The following BCR variants were observed in gnomAD, a reference collection of about 807,000 sequenced individuals.
BCR encodes breakpoint cluster region protein.
In BCR, 58 loss-of-function variants were observed where a neutral mutation model predicts 138.6. The observed-to-expected ratio is 0.42, with a 90% confidence interval of 0.34 to 0.52. The LOEUF (loss-of-function observed/expected upper bound fraction) is 0.52, where lower values mean the gene tolerates loss of function less well. Ranked by LOEUF, BCR falls within the 20% of genes least tolerant of loss-of-function variation. The pLI is 0.06. For missense variants in BCR, 1,599 were observed against 1,727.2 expected (o/e 0.93, Z 1.32); for synonymous variants, 786 against 730.1 (o/e 1.08, Z -1.23).
chr22:23,199,624 A>G, intron 1 of BCR, among the ~76,000 whole-genome samples: 1 of 152,104 alleles, frequency 6.6e-6, no homozygotes, highest in Non-Finnish European at 1.5e-5. Flanking sequence ...AGGGGAAGGT[A>G]TTGGTAGGAC....
At position 23,181,026 on chromosome 22, in the gene BCR, C is replaced by A. The variant is rs767388787; in HGVS notation, c.66C>A (p.Arg22=). The A allele has an allele frequency of 3.1e-5, 47 of 1,501,166 alleles. 1 individual carries two copies. The South Asian group carries it at 6.0e-4, about 19-fold the overall frequency. The allele number at this position is 1,501,166 out of a possible 1,614,324, so 93.0% of individuals were successfully genotyped here. Residue 22 remains arginine (R), a synonymous_variant, in exon 1 of 23, where the codon CGC becomes CGA. Coordinates refer to ENST00000305877, the MANE Select transcript of BCR (RefSeq NM_004327.4). ...AGTTCCCGGACTCAGAGCCCCCGCGCATGGAGCTGCGCTCAGTGGGCGACA... is the reference window on the plus strand; with the variant it reads ...AGTTCCCGGACTCAGAGCCCCCGCGAATGGAGCTGCGCTCAGTGGGCGACA... ...KAQFPDSEPP[R]MELRSVGDIE...
intron 8 of BCR, among the ~76,000 whole-genome samples, chr22:23,279,811 T>C (rs2073622475): frequency 6.6e-6 from 1 of 152,212 alleles, no homozygotes; most frequent in Non-Finnish European, 1.5e-5. Context: ...TCGTAGTCGG[T>C]TCAGGCTGCT....
intron 4 of BCR, chr22:23,264,130 A>G: frequency 6.6e-7 from 1 of 1,522,654 alleles, no homozygotes; most frequent in Non-Finnish European, 9.1e-7. Flanking sequence ...GAGCCCCACA[A>G]CAGCACCCTG....
chr22:23,258,859 G>T (rs548214236), intron 2 of BCR, among the ~76,000 whole-genome samples: 2 of 152,208 alleles, frequency 1.3e-5, no homozygotes, highest in African/African-American at 4.8e-5. Flanking sequence ...AGGGACCACC[G>T]CCCCAGTTCC....
intron 1 of BCR, among the ~76,000 whole-genome samples, chr22:23,241,891 C>T (rs1237573699): frequency 6.6e-6 from 1 of 152,108 alleles, no homozygotes; most frequent in Non-Finnish European, 1.5e-5. Flanking sequence ...GAGCCCAAGT[C>T]CTTGGCCTGA....
chr22:23,267,247 A>C (rs1315644574), intron 4 of BCR, among the ~76,000 whole-genome samples: 1 of 152,060 alleles, frequency 6.6e-6, no homozygotes, highest in Non-Finnish European at 1.5e-5. Flanking sequence ...AAGAAGGAAG[A>C]GCTCTGGGCC....
chr22:23,272,634 G>T (rs2073522619), intron 6 of BCR, among the ~76,000 whole-genome samples: 1 of 152,084 alleles, frequency 6.6e-6, no homozygotes, highest in South Asian at 2.1e-4. Context: ...ATCTGAGTAG[G>T]TTTCTGCTTG....
chr22:23,215,864 G>A (rs1369728919), intron 1 of BCR, among the ~76,000 whole-genome samples: 1 of 152,186 alleles, frequency 6.6e-6, no homozygotes, highest in African/African-American at 2.4e-5. Flanking sequence ...ACAAGGGATA[G>A]GGGACCAGTT....
At chr22:23,241,216 G>A (rs977026811) in intron 1 of BCR, among the ~76,000 whole-genome samples, 1 of 152,232 alleles carries the variant, frequency 6.6e-6, no homozygotes, top group Admixed American at 6.5e-5. Flanking sequence ...CGAGATGGGG[G>A]AAGAAGGTGG....
chr22:23,288,985 G>C (rs1212876810), intron 12 of BCR, among the ~76,000 whole-genome samples: 1 of 152,182 alleles, frequency 6.6e-6, no homozygotes, highest in Non-Finnish European at 1.5e-5. Context: ...CCGTGGCCTG[G>C]GGGATCAAGG....
intron 21 of BCR, 138 bp downstream of exon 21, chr22:23,314,211 T>A: frequency 1.4e-6 from 1 of 716,522 alleles, no homozygotes; most frequent in Non-Finnish European, 2.4e-6. Flanking sequence ...CTTTGGCGAC[T>A]AGTGCCACTG....
chr22:23,310,024 TCGATTACAGCC>T (rs2146327167), intron 17 of BCR: 2 of 424,978 alleles, frequency 4.7e-6, no homozygotes, highest in East Asian at 1.0e-4. Context: ...ACCCAAGAGT[TCGATTACAGCC>T]TGGGCAACAT....
intron 4 of BCR, 149 bp downstream of exon 4, chr22:23,261,689 C>T (rs888857614): frequency 1.9e-5 from 15 of 777,176 alleles, no homozygotes; most frequent in Non-Finnish European, 2.7e-5. Context: ...GCCTCAGCCT[C>T]CCAAAGTACT....
intron 1 of BCR, among the ~76,000 whole-genome samples, chr22:23,207,884 C>A (rs2072636395): frequency 6.6e-6 from 1 of 152,132 alleles, no homozygotes; most frequent in Non-Finnish European, 1.5e-5. Context: ...TGTGCGACTG[C>A]CATAGGCCCT....
rs1018849333 is a variant in BCR, at chr22:23,309,169, A to G, written c.3013-255A>G. On this transcript the variant is annotated intron_variant, in intron 16 of 22. Transcript: ENST00000305877. ...CTGCCAGCCTGCACATCAGCTCCCA[A>G]CTGGGCGGGGCAGAGGGAGGAGGGG... Among the ~76,000 whole-genome samples the G allele has an allele frequency of 5.9e-5, 9 of 151,624 alleles. No homozygotes were observed. In the East Asian group the frequency reaches 1.4e-3, roughly 23 times the overall value.
At chr22:23,204,505 G>A (rs2072589548) in intron 1 of BCR, among the ~76,000 whole-genome samples, 1 of 152,158 alleles carries the variant, frequency 6.6e-6, no homozygotes, top group South Asian at 2.1e-4. Context: ...TGAGTTCCCA[G>A]CAAATTATTT....
At chr22:23,308,630 G>T (rs549746802) in intron 16 of BCR, among the ~76,000 whole-genome samples, 1,587 of 152,210 alleles carry the variant, frequency 0.01, 11 homozygotes, top group Non-Finnish European at 0.015. Flanking sequence ...TAACAAGATG[G>T]TACTGCTCAT....
At chr22:23,299,934 C>G (rs190260998) in intron 16 of BCR, among the ~76,000 whole-genome samples, 3 of 152,108 alleles carry the variant, frequency 2.0e-5, no homozygotes, top group African/African-American at 7.2e-5. Flanking sequence ...AGTTTGGACT[C>G]CCACGTGCAT....
chr22:23,203,238 G>A (rs1434902047), intron 1 of BCR, among the ~76,000 whole-genome samples: 2 of 152,200 alleles, frequency 1.3e-5, no homozygotes, highest in African/African-American at 2.4e-5. Context: ...GGTCAGAGAG[G>A]TGGATGGTCT....
Sources: gnomAD v4.1 joint callset for allele counts (sites outside exome capture counted in the v4.1 genomes callset) on GRCh38, gnomAD v4.1.1 for gene constraint, MANE v1.5 for transcripts, NCBI Gene and HGNC (gene_info 2026-07-23, HGNC 2026-07-21) for gene names.